Variants in PATJ observed in about 807,000 individuals in gnomAD.
PATJ encodes the protein inaD-like protein.
A neutral mutation model predicts 224.9 loss-of-function variants in PATJ; 190 were observed. The observed-to-expected ratio is 0.84, with a 90% confidence interval of 0.75 to 0.95. PATJ has a LOEUF of 0.95. Ranked by LOEUF, PATJ falls within the 40% of genes least tolerant of loss-of-function variation. The probability of loss-of-function intolerance (pLI) is 0.00; values close to 1 mark genes in which losing one functional copy is unlikely to be tolerated. For synonymous variants in PATJ, 769 were observed against 820.3 expected (o/e 0.94, Z 1.07); for missense variants, 2,121 against 2,270.3 (o/e 0.93, Z 1.34).
intron 7 of PATJ, among the ~76,000 whole-genome samples, chr1:61,776,708 TCAC>T (rs1646930439): frequency 6.6e-6 from 1 of 151,530 alleles, no homozygotes; most frequent in South Asian, 2.1e-4. Flanking sequence ...TTAAGGAAAG[TCAC>T]CTGCAAGATT....
intron 22 of PATJ, among the ~76,000 whole-genome samples, chr1:61,890,712 G>T (rs1557829621): frequency 6.6e-6 from 1 of 151,836 alleles, no homozygotes; most frequent in African/African-American, 2.4e-5. Context: ...ACCCAGGCTG[G>T]TCTAAACTCC....
At chr1:62,032,459 C>T (rs374111834) in intron 29 of PATJ, among the ~76,000 whole-genome samples, 2 of 152,160 alleles carry the variant, frequency 1.3e-5, no homozygotes, top group Non-Finnish European at 2.9e-5. Flanking sequence ...GATAATCTCC[C>T]TTTATCTTAC....
chr1:62,131,283 C>T (rs1329353080), intron 41 of PATJ, among the ~76,000 whole-genome samples: 1 of 152,138 alleles, frequency 6.6e-6, no homozygotes, highest in Non-Finnish European at 1.5e-5. Flanking sequence ...GCTCATCCTT[C>T]ACGTTATGCT....
chr1:62,058,824 G>A (rs1654959129), intron 31 of PATJ, among the ~76,000 whole-genome samples: 1 of 152,168 alleles, frequency 6.6e-6, no homozygotes, highest in African/African-American at 2.4e-5. Flanking sequence ...GTCCAGGAGT[G>A]TGCCACACTT....
intron 29 of PATJ, among the ~76,000 whole-genome samples, chr1:62,030,585 A>G (rs1368322960): frequency 6.6e-6 from 1 of 152,132 alleles, no homozygotes; most frequent in Non-Finnish European, 1.5e-5. Flanking sequence ...TTGAGTTTTG[A>G]TAATTGCATA....
chr1:62,023,472 G>A (rs1445643091), intron 29 of PATJ, among the ~76,000 whole-genome samples: 3 of 152,154 alleles, frequency 2.0e-5, no homozygotes, highest in Non-Finnish European at 4.4e-5. Context: ...GTGATGGAAA[G>A]AACACAATTT....
At chr1:62,121,399 A>G (rs1665032890) in intron 38 of PATJ, 104 bp downstream of exon 38, 1 of 726,966 alleles carries the variant, frequency 1.4e-6, no homozygotes, top group South Asian at 2.0e-5. Flanking sequence ...ATGTTTTTTA[A>G]TTTTTTGAGC....
intron 17 of PATJ, among the ~76,000 whole-genome samples, chr1:61,850,004 A>G (rs1387731995): frequency 7.2e-5 from 11 of 152,168 alleles, no homozygotes; most frequent in Non-Finnish European, 1.5e-4. Flanking sequence ...TTTATTACCT[A>G]TGACACTTTT....
intron 27 of PATJ, among the ~76,000 whole-genome samples, chr1:61,975,455 A>T (rs1644078097): frequency 6.6e-6 from 1 of 151,714 alleles, no homozygotes; most frequent in African/African-American, 2.4e-5. Context: ...AGTATTCAGA[A>T]TTTTTTTTTA....
At chr1:62,114,993 G>A (rs1271568058) in intron 35 of PATJ, 2 of 152,034 alleles carry the variant, frequency 1.3e-5, no homozygotes, top group African/African-American at 4.8e-5. Context: ...GTAGATCCTA[G>A]TGGCCAGGCT....
intron 30 of PATJ, among the ~76,000 whole-genome samples, chr1:62,043,421 A>C (rs991796385): frequency 2.0e-5 from 3 of 152,184 alleles, no homozygotes; most frequent in Admixed American, 6.5e-5. Context: ...ATGCTCTATA[A>C]ACTTCAATTC....
At chr1:62,032,642 G>C (rs1055866027) in intron 29 of PATJ, among the ~76,000 whole-genome samples, 1 of 152,164 alleles carries the variant, frequency 6.6e-6, no homozygotes, top group Non-Finnish European at 1.5e-5. Context: ...GATCCAGAAT[G>C]TGTGTTTTCC....
intron 29 of PATJ, among the ~76,000 whole-genome samples, chr1:62,031,548 T>C (rs1649295313): frequency 6.6e-6 from 1 of 152,200 alleles, no homozygotes; most frequent in Non-Finnish European, 1.5e-5. Flanking sequence ...CCCAAGGAAA[T>C]TTATTAAATA....
intron 41 of PATJ, among the ~76,000 whole-genome samples, chr1:62,147,633 T>A (rs1429463807): frequency 6.6e-6 from 1 of 152,018 alleles, no homozygotes; most frequent in Non-Finnish European, 1.5e-5. Flanking sequence ...ACCCCGCCTC[T>A]ACTGAAAATA....
chr1:62,126,400 C>T (rs543940371), intron 39 of PATJ, among the ~76,000 whole-genome samples: 3 of 152,282 alleles, frequency 2.0e-5, no homozygotes, highest in East Asian at 3.9e-4. Flanking sequence ...CTTTTTGTTT[C>T]AGAGGCCACA....
Position 62,004,980 on chromosome 1 carries a change from C to G in PATJ, c.3868-12876C>G, listed in dbSNP as rs978690303. Among the ~76,000 whole-genome samples the G allele has an allele frequency of 2.6e-5, 4 of 152,158 alleles. No homozygotes were observed. In the East Asian group the frequency reaches 7.7e-4, roughly 29 times the overall value. On this transcript the variant is annotated intron_variant, in intron 28 of 43. Coordinates refer to ENST00000642238, the MANE Select transcript of PATJ (RefSeq NM_001350145.3). ...TCTTTCTATGACAATGCATCTACAT[C>G]TGTATCATCCTCCCCTACCTCTGTT...
chr1:62,039,025 G>A, intron 30 of PATJ: 3 of 1,091,926 alleles, frequency 2.7e-6, no homozygotes, highest in African/African-American at 1.5e-5. Flanking sequence ...TGATACTCCT[G>A]TAGTGTGTCC....
intron 23 of PATJ, 36 bp from the exon 24 acceptor site, chr1:61,901,246 G>A: frequency 1.4e-6 from 2 of 1,382,464 alleles, no homozygotes; most frequent in Non-Finnish European, 1.9e-6. Flanking sequence ...GATTAAACTT[G>A]TTGATGAGTG....
chr1:61,856,316 A>G, intron 18 of PATJ, 77 bp downstream of exon 18: 1 of 1,179,074 alleles, frequency 8.5e-7, no homozygotes, highest in Admixed American at 1.8e-5. Flanking sequence ...AGACACATAT[A>G]CCTGGCCAAG....
Sources: gnomAD v4.1 joint callset for allele counts (sites outside exome capture counted in the v4.1 genomes callset) on GRCh38, gnomAD v4.1.1 for gene constraint, MANE v1.5 for transcripts, NCBI Gene and HGNC (gene_info 2026-07-23, HGNC 2026-07-21) for gene names.